The following ADORA2B variants were observed in gnomAD, a reference collection of about 807,000 sequenced individuals.
The protein encoded by ADORA2B is adenosine receptor A2b.
In ADORA2B, 18 loss-of-function variants were observed where a neutral mutation model predicts 20.8. That is an observed-to-expected ratio of 0.87 (90% CI 0.60 to 1.29). ADORA2B has a LOEUF of 1.29. Ranked by LOEUF, ADORA2B falls within the 50% of genes most tolerant of loss-of-function variation. The pLI is 0.00. For missense variants in ADORA2B, 441 were observed against 422.7 expected (o/e 1.04, Z -0.38); for synonymous variants, 179 against 178.3 (o/e 1.00, Z -0.03).
At chr17:15,935,429 T>C in the ADORA2B span, among the ~76,000 whole-genome samples, 1 of 152,210 alleles carries the variant, frequency 6.6e-6, no homozygotes, top group African/African-American at 2.4e-5. Flanking sequence ...TTAATCTTAT[T>C]GAGGGTTCCT....
At chr17:15,946,352 G>A (rs555751184) in intron 1 of ADORA2B, among the ~76,000 whole-genome samples, 8 of 152,306 alleles carry the variant, frequency 5.3e-5, no homozygotes, top group African/African-American at 1.9e-4. Flanking sequence ...GAACTTACTT[G>A]TCCACTCTTT....
intron 1 of ADORA2B, among the ~76,000 whole-genome samples, chr17:15,956,286 C>T (rs1005360488): frequency 1.3e-5 from 2 of 152,298 alleles, no homozygotes; most frequent in Non-Finnish European, 1.5e-5. Flanking sequence ...CTCCCCCACC[C>T]GTTATCACTA....
chr17:15,852,125 C>T, the ADORA2B span, among the ~76,000 whole-genome samples: 1 of 151,980 alleles, frequency 6.6e-6, no homozygotes, highest in Non-Finnish European at 1.5e-5. Flanking sequence ...ATATATTGTG[C>T]TTTTTAGCTT....
the ADORA2B span, among the ~76,000 whole-genome samples, chr17:15,882,250 G>C: frequency 6.6e-6 from 1 of 152,172 alleles, no homozygotes; most frequent in Non-Finnish European, 1.5e-5. Flanking sequence ...ATGCCCCCTG[G>C]AGGTGGTGGC....
chr17:15,960,837 C>T (rs1200871349), intron 1 of ADORA2B, among the ~76,000 whole-genome samples: 5 of 150,552 alleles, frequency 3.3e-5, no homozygotes, highest in Admixed American at 2.7e-4. Context: ...GATCATGCCA[C>T]TGCACTCCAG....
At chr17:15,958,180 G>A (rs1038909517) in intron 1 of ADORA2B, among the ~76,000 whole-genome samples, 3 of 152,076 alleles carry the variant, frequency 2.0e-5, no homozygotes, top group African/African-American at 7.2e-5. Flanking sequence ...CACTGCATCC[G>A]GCTAATTTTG....
At chr17:15,963,704 TG>T (rs1970067135) in intron 1 of ADORA2B, among the ~76,000 whole-genome samples, 1 of 152,222 alleles carries the variant, frequency 6.6e-6, no homozygotes, top group African/African-American at 2.4e-5. Context: ...GACCTGGTCC[TG>T]GCCCCTAACC....
At chr17:15,943,617 G>A (rs779142550), upstream of ADORA2B, among the ~76,000 whole-genome samples, 17 of 152,232 alleles carry the variant, frequency 1.1e-4, no homozygotes, top group South Asian at 4.1e-4. Context: ...ATAGGCGTGA[G>A]CCATGTTGTC....
At chr17:15,869,182 T>G in the ADORA2B span, among the ~76,000 whole-genome samples, 1 of 151,240 alleles carries the variant, frequency 6.6e-6, no homozygotes, top group Admixed American at 6.6e-5. Flanking sequence ...TAGCCAGGCG[T>G]GGTGACGCAC....
chr17:15,866,324 C>T, the ADORA2B span, among the ~76,000 whole-genome samples: 9 of 151,906 alleles, frequency 5.9e-5, no homozygotes, highest in Admixed American at 5.9e-4. Context: ...TAGCATCAGT[C>T]TTTTTACTGG....
chr17:15,867,075 G>C, the ADORA2B span, among the ~76,000 whole-genome samples: 1 of 152,196 alleles, frequency 6.6e-6, no homozygotes, highest in African/African-American at 2.4e-5. Context: ...ACGGAGTCGC[G>C]TTCACTCAGT....
At chr17:15,899,815 T>C in the ADORA2B span, among the ~76,000 whole-genome samples, 1 of 152,202 alleles carries the variant, frequency 6.6e-6, no homozygotes, top group East Asian at 1.9e-4. Flanking sequence ...ATGGTGTTTA[T>C]ATGTACCACA....
intron 1 of ADORA2B, among the ~76,000 whole-genome samples, chr17:15,959,693 G>T (rs1489592461): frequency 6.6e-6 from 1 of 152,096 alleles, no homozygotes; most frequent in African/African-American, 2.4e-5. Context: ...TAGAGATGGG[G>T]TTTTGCCATG....
the ADORA2B span, among the ~76,000 whole-genome samples, chr17:15,862,857 G>C: frequency 6.6e-6 from 1 of 150,520 alleles, no homozygotes; most frequent in Non-Finnish European, 1.5e-5. Context: ...TCTGCCTCGG[G>C]TTCAAGCAGT....
the ADORA2B span, among the ~76,000 whole-genome samples, chr17:15,876,688 A>C: frequency 1.3e-5 from 2 of 151,938 alleles, no homozygotes; most frequent in African/African-American, 2.4e-5. Context: ...TAATCTTCCA[A>C]ATTCTATTAA....
chr17:15,929,669 G>C, the ADORA2B span, among the ~76,000 whole-genome samples: 1 of 152,178 alleles, frequency 6.6e-6, no homozygotes, highest in Admixed American at 6.5e-5. Flanking sequence ...TTATATAATG[G>C]GATCTTATTC....
At chr17:15,954,624 T>TGG (rs1302233871) in intron 1 of ADORA2B, among the ~76,000 whole-genome samples, 1 of 152,176 alleles carries the variant, frequency 6.6e-6, no homozygotes, top group African/African-American at 2.4e-5. Context: ...TTTTTTGGCC[T>TGG]GGTGCAATGG....
intron 1 of ADORA2B, among the ~76,000 whole-genome samples, chr17:15,964,615 C>CAAA (rs372895382): frequency 3.0e-5 from 2 of 66,376 alleles, no homozygotes; most frequent in African/African-American, 4.2e-5. Context: ...GACTCTGTCT[C>CAAA]AAAAAAAAAA....
the ADORA2B span, among the ~76,000 whole-genome samples, chr17:15,875,781 A>T: frequency 9.2e-5 from 14 of 152,100 alleles, no homozygotes; most frequent in African/African-American, 3.1e-4. Context: ...GAGTTTCACC[A>T]TGTTGGCCAG....
Sources: gnomAD v4.1 joint callset for allele counts (sites outside exome capture counted in the v4.1 genomes callset) on GRCh38, gnomAD v4.1.1 for gene constraint, MANE v1.5 for transcripts, NCBI Gene and HGNC (gene_info 2026-07-23, HGNC 2026-07-21) for gene names.